Variants in TM9SF2 observed in about 807,000 individuals in gnomAD.
TM9SF2 encodes 76 kDa membrane protein.
A neutral mutation model predicts 84.9 loss-of-function variants in TM9SF2; 13 were observed. That is an observed-to-expected ratio of 0.15 (90% CI 0.10 to 0.24). TM9SF2 has a LOEUF of 0.24. TM9SF2 is among the 10% of genes least tolerant of loss of function. The pLI, the probability that TM9SF2 is intolerant of heterozygous loss-of-function variation, is 1.00. For missense variants in TM9SF2, 562 were observed against 818.5 expected, an observed-to-expected ratio of 0.69 and a Z score of 3.82; for synonymous variants, 273 against 285.8, an observed-to-expected ratio of 0.96 and a Z score of 0.45.
chr13:99,544,842 A>G (rs2046276347), intron 10 of TM9SF2, among the ~76,000 whole-genome samples: 1 of 152,182 alleles, frequency 6.6e-6, no homozygotes, highest in Non-Finnish European at 1.5e-5. Flanking sequence ...GCGACTTCAG[A>G]AATTGTATTT....
intron 1 of TM9SF2, among the ~76,000 whole-genome samples, chr13:99,509,899 T>C (rs1315186997): frequency 2.0e-5 from 3 of 152,208 alleles, no homozygotes; most frequent in Non-Finnish European, 2.9e-5. Flanking sequence ...ATTTTCTGAA[T>C]GTTTGTGCTC....
At chr13:99,532,913 T>C (rs1173013508) in intron 4 of TM9SF2, among the ~76,000 whole-genome samples, 2 of 152,240 alleles carry the variant, frequency 1.3e-5, no homozygotes, top group African/African-American at 4.8e-5. Context: ...ATTTTGCAGT[T>C]GAATCAGAAA....
intron 14 of TM9SF2, among the ~76,000 whole-genome samples, chr13:99,554,849 T>G (rs1189225182): frequency 2.0e-5 from 3 of 152,216 alleles, no homozygotes; most frequent in African/African-American, 7.2e-5. Flanking sequence ...TAATCTGCAC[T>G]GTTCAGAGAA....
chr13:99,525,547 T>C lies in TM9SF2; in HGVS notation c.334-3920T>C, dbSNP rs573582493. ...AGGCACCCGCCCCAAAGAGGACTTA[T>C]GATAGATTTTTTTTTTTTTTTTTTT... On this transcript the variant is annotated intron_variant, in intron 3 of 16. Transcript: ENST00000376387. Among the ~76,000 whole-genome samples, 6 of 148,034 alleles carry C rather than the reference T, an allele frequency of 4.1e-5. No individual in the cohort carries two copies. The East Asian group carries it at 8.1e-4, about 20-fold the overall frequency.
chr13:99,517,068 G>A (rs1181435086), intron 1 of TM9SF2, among the ~76,000 whole-genome samples: 1 of 151,550 alleles, frequency 6.6e-6, no homozygotes, highest in Non-Finnish European at 1.5e-5. Context: ...AAAAACTATT[G>A]GAGACATTTG....
chr13:99,526,525 G>T (rs1327957107), intron 3 of TM9SF2, among the ~76,000 whole-genome samples: 2 of 152,188 alleles, frequency 1.3e-5, no homozygotes, highest in African/African-American at 4.8e-5. Context: ...TCCAGGGCTT[G>T]TTGGAGGTGA....
At position 99,543,825 on chromosome 13, in the gene TM9SF2, A is replaced by C. The variant is rs370808476; in HGVS notation, c.1018-38A>C. The C allele has an allele frequency of 3.7e-6, 6 of 1,607,220 alleles. 1 individual carries two copies. Among genetic ancestry groups the C allele is most frequent in the Middle Eastern group, 3.3e-4 (2 of 6,046 alleles). On this transcript the variant is annotated intron_variant, in intron 9 of 16. Coordinates refer to ENST00000376387, the MANE Select transcript of TM9SF2 (RefSeq NM_004800.3). The stretch of plus-strand genomic sequence containing the variant: ...AACTGTCTATAGTTGTCTTGTTGAT[A>C]CCATGAGACAATCGAACTGATTTCA...
intron 3 of TM9SF2, among the ~76,000 whole-genome samples, chr13:99,525,590 C>G (rs2046179269): frequency 7.0e-6 from 1 of 141,998 alleles, no homozygotes; most frequent in African/African-American, 2.7e-5. Context: ...GAGTCTTGCT[C>G]TGTAGCCCAG....
chr13:99,555,172 A>G (rs1324402748), intron 14 of TM9SF2, among the ~76,000 whole-genome samples: 1 of 152,222 alleles, frequency 6.6e-6, no homozygotes, highest in Non-Finnish European at 1.5e-5. Flanking sequence ...TAATTTTCCA[A>G]ATTCAACTGG....
At position 99,537,871 on chromosome 13, in the gene TM9SF2, T is replaced by C. The variant is rs2046241235; in HGVS notation, c.716+8T>C. 1.9e-6 allele frequency: 3 copies of C among 1,599,228 alleles called. No homozygotes were observed. Among genetic ancestry groups the C allele is most frequent in the Non-Finnish European group, 2.5e-6 (3 of 1,176,592 alleles). On this transcript the variant is annotated splice_region_variant and intron_variant, in intron 6 of 16. Transcript: ENST00000376387. The stretch of plus-strand genomic sequence containing the variant: ...TAAACTTGAACCGAAAAGGTAATTA[T>C]ATTAATGATAAAAAGTAAACAAGTA...
At chr13:99,533,421 C>T (rs2046219494) in intron 4 of TM9SF2, among the ~76,000 whole-genome samples, 1 of 152,098 alleles carries the variant, frequency 6.6e-6, no homozygotes, top group Admixed American at 6.5e-5. Context: ...AAATATTGTA[C>T]ACGTTATTCT....
In TM9SF2 at chr13:99,562,322, T is replaced by G. The variant is rs147126532; in HGVS notation, c.1925-369T>G. On this transcript the variant is annotated intron_variant, in intron 16 of 16. Coordinates refer to ENST00000376387, the MANE Select transcript of TM9SF2 (RefSeq NM_004800.3). ...CATTTAATCATTATTTGAACCTGTT[T>G]TAATGTATTCATCTCATACCTTAAA... Among the ~76,000 whole-genome samples the G allele has an allele frequency of 7.5e-4, 114 of 152,380 alleles. 2 individuals carry two copies. In the East Asian group the frequency reaches 0.021, roughly 28 times the overall value.
At chr13:99,518,763 ATTT>A (rs34847688) in intron 2 of TM9SF2, among the ~76,000 whole-genome samples, 1,840 of 128,618 alleles carry the variant, frequency 0.014, 25 homozygotes, top group African/African-American at 0.038. Context: ...TGCCCAGCTA[ATTT>A]TTTTTTTTTT....
chr13:99,550,025 T>A lies in TM9SF2; in HGVS notation c.1328+803T>A, dbSNP rs200149428. Among the ~76,000 whole-genome samples the A allele has an allele frequency of 3.9e-4, 60 of 152,358 alleles. No individual in the cohort carries two copies. The East Asian group carries it at 0.01, about 26-fold the overall frequency. On this transcript the variant is annotated intron_variant, in intron 12 of 16. Coordinates refer to ENST00000376387, the MANE Select transcript of TM9SF2 (RefSeq NM_004800.3). Reference sequence around the variant, plus strand: ...CTTTTCTCAAGCCATGTCCTTTGTTTTCTTTCCCTCTGTCAACTCACGAAG... The same window carrying A: ...CTTTTCTCAAGCCATGTCCTTTGTTATCTTTCCCTCTGTCAACTCACGAAG...
At chr13:99,524,898 G>A (rs1000549559) in intron 3 of TM9SF2, among the ~76,000 whole-genome samples, 2 of 151,806 alleles carry the variant, frequency 1.3e-5, no homozygotes, top group Admixed American at 6.5e-5. Flanking sequence ...GATGGGGAGA[G>A]TCTAGCAAAG....
At chr13:99,531,426 G>C (rs2046208813) in intron 4 of TM9SF2, among the ~76,000 whole-genome samples, 1 of 152,156 alleles carries the variant, frequency 6.6e-6, no homozygotes, top group South Asian at 2.1e-4. Flanking sequence ...GTGGATCTCA[G>C]CTGAGACCTG....
chr13:99,532,384 C>A (rs566297324), intron 4 of TM9SF2, among the ~76,000 whole-genome samples: 118 of 152,188 alleles, frequency 7.8e-4, no homozygotes, highest in African/African-American at 2.8e-3. Context: ...CTTCTACCCT[C>A]TGTGCTTAGA....
chr13:99,545,901 T>A (rs555019739), intron 10 of TM9SF2, among the ~76,000 whole-genome samples: 13 of 152,174 alleles, frequency 8.5e-5, no homozygotes, highest in Non-Finnish European at 1.5e-4. Flanking sequence ...AGCTGTCTTC[T>A]GCGATGCTCT....
chr13:99,530,401 G>C (rs2046203401), intron 4 of TM9SF2, among the ~76,000 whole-genome samples: 1 of 152,206 alleles, frequency 6.6e-6, no homozygotes, highest in African/African-American at 2.4e-5. Context: ...TCCCGCCTGG[G>C]CGACAGAGCA....
Sources: allele counts gnomAD v4.1 joint callset (sites outside exome capture counted in the v4.1 genomes callset), GRCh38; gene constraint gnomAD v4.1.1; transcripts MANE v1.5; gene names NCBI Gene and HGNC (gene_info 2026-07-23, HGNC 2026-07-21).